The following ERC2 variants were observed in gnomAD, a reference collection of about 807,000 sequenced individuals.
The protein encoded by ERC2 is ELKS/RAB6-interacting/CAST family member 2, also known as ERC protein 2.
A neutral mutation model predicts 114.8 loss-of-function variants in ERC2; 42 were observed. The ratio of observed to expected loss-of-function variants is 0.37; its 90% CI spans 0.29 to 0.47. The LOEUF is 0.47. ERC2 is among the 20% of genes least tolerant of loss of function. ERC2 has a pLI of 0.99. For missense variants in ERC2, 939 were observed against 1,150.7 expected (o/e 0.82, Z 2.66); for synonymous variants, 454 against 425.5 (o/e 1.07, Z -0.82).
intron 1 of ERC2, among the ~76,000 whole-genome samples, chr3:56,445,882 T>C (rs1342474151): frequency 6.6e-6 from 1 of 152,224 alleles, no homozygotes; most frequent in Admixed American, 6.5e-5. Flanking sequence ...GTCTCTCAGT[T>C]ACATTCTCTC....
intron 15 of ERC2, among the ~76,000 whole-genome samples, chr3:55,714,659 GTGTGTGTGTATATATATATATATATATA>G (rs1193638966): frequency 4.1e-4 from 29 of 70,860 alleles, no homozygotes; most frequent in African/African-American, 9.5e-4. Flanking sequence ...GTGTGTGTGT[GTGTGTGTGTATATATATATATATATATA>G]TATATATATA....
intron 17 of ERC2, among the ~76,000 whole-genome samples, chr3:55,600,990 G>A (rs144315121): frequency 6.6e-6 from 1 of 152,340 alleles, no homozygotes; most frequent in African/African-American, 2.4e-5. Context: ...TGGCAAGCTC[G>A]CCACAGGCCC....
At chr3:56,208,775 C>A (rs1299711374) in intron 3 of ERC2, among the ~76,000 whole-genome samples, 8 of 152,132 alleles carry the variant, frequency 5.3e-5, no homozygotes, top group Admixed American at 5.2e-4. Flanking sequence ...AAGTGCCTAG[C>A]TAGCGGTACT....
At chr3:56,466,035 C>A (rs1351712073) in intron 1 of ERC2, among the ~76,000 whole-genome samples, 1 of 152,248 alleles carries the variant, frequency 6.6e-6, no homozygotes, top group Non-Finnish European at 1.5e-5. Flanking sequence ...TGGCAAGATA[C>A]TGAATTCCTT....
In ERC2 at chr3:56,286,647, G is replaced by A. The variant is rs530764017; in HGVS notation, c.1074+9372C>T. ...GTCAGCACATTTAAAGAGGCAGATA[G>A]TAAATACTTTAGGCTTTGTGGACCA... is the stretch of plus-strand genomic sequence containing the variant. On this transcript the variant is annotated intron_variant, in intron 3 of 17. Coordinates refer to ENST00000288221, the MANE Select transcript of ERC2 (RefSeq NM_015576.3). Among the ~76,000 whole-genome samples the A allele has an allele frequency of 4.7e-4, 71 of 152,070 alleles. 1 individual carries two copies. The highest frequency in any genetic ancestry group is 7.9e-4 in the Non-Finnish European group (54 of 67,992).
At chr3:55,629,326 T>G (rs1457985523) in intron 17 of ERC2, among the ~76,000 whole-genome samples, 7 of 152,184 alleles carry the variant, frequency 4.6e-5, no homozygotes, top group African/African-American at 1.7e-4. Context: ...TGCTTCTGCT[T>G]TGATGCCTGG....
At chr3:56,367,785 C>CAGAAAAAG (rs1412462611) in intron 2 of ERC2, among the ~76,000 whole-genome samples, 1 of 151,700 alleles carries the variant, frequency 6.6e-6, no homozygotes, top group African/African-American at 2.4e-5. Context: ...TGGACTATCC[C>CAGAAAAAG]AGAAAAAGAT....
intron 14 of ERC2, among the ~76,000 whole-genome samples, chr3:55,779,238 T>C (rs1013487226): frequency 1.7e-4 from 26 of 151,008 alleles, no homozygotes; most frequent in African/African-American, 5.1e-4. Context: ...TCCTAGCACT[T>C]TGGGAGGCCG....
intron 3 of ERC2, 163 bp from the exon 4 acceptor site, chr3:56,173,683 CT>C (rs1435887184): frequency 8.0e-5 from 47 of 585,056 alleles, no homozygotes; most frequent in Middle Eastern, 4.4e-4. Flanking sequence ...TCCCTCCTGC[CT>C]GGAGCCTGCG....
chr3:56,203,298 C>G (rs2048509754), intron 3 of ERC2, among the ~76,000 whole-genome samples: 1 of 151,778 alleles, frequency 6.6e-6, no homozygotes, highest in African/African-American at 2.4e-5. Flanking sequence ...CTTAAAGTAA[C>G]TCTAAGAGCT....
At chr3:56,311,366 C>T (rs1207230121) in intron 2 of ERC2, among the ~76,000 whole-genome samples, 2 of 139,854 alleles carry the variant, frequency 1.4e-5, no homozygotes, top group Non-Finnish European at 3.1e-5. Context: ...GTGGCGCAAT[C>T]TCGGCTCGCT....
intron 2 of ERC2, among the ~76,000 whole-genome samples, chr3:56,305,555 CT>C (rs1336448655): frequency 7.0e-6 from 1 of 142,018 alleles, no homozygotes; most frequent in Admixed American, 7.1e-5. Flanking sequence ...CACACACACA[CT>C]ATAATAATCA....
intron 7 of ERC2, among the ~76,000 whole-genome samples, chr3:56,023,494 A>G (rs1000906487): frequency 2.6e-5 from 4 of 151,936 alleles, no homozygotes; most frequent in African/African-American, 9.7e-5. Flanking sequence ...TTGCACTCCA[A>G]CTGTTCACCT....
At chr3:55,832,776 G>C (rs904053180) in intron 14 of ERC2, among the ~76,000 whole-genome samples, 1 of 152,204 alleles carries the variant, frequency 6.6e-6, no homozygotes, top group African/African-American at 2.4e-5. Context: ...TTGACGAGTT[G>C]AGAGAAGAAG....
intron 6 of ERC2, among the ~76,000 whole-genome samples, chr3:56,113,948 G>A (rs773354093): frequency 3.3e-5 from 5 of 152,194 alleles, no homozygotes; most frequent in African/African-American, 7.2e-5. Context: ...TATATTTAGA[G>A]AGGAGAGCTT....
At chr3:55,787,478 T>C (rs2069608896) in intron 14 of ERC2, among the ~76,000 whole-genome samples, 1 of 152,164 alleles carries the variant, frequency 6.6e-6, no homozygotes, top group Non-Finnish European at 1.5e-5. Context: ...GAAAAATATG[T>C]TGGTTAAGCC....
At chr3:55,546,729 C>T (rs1177463906) in intron 17 of ERC2, among the ~76,000 whole-genome samples, 3 of 152,188 alleles carry the variant, frequency 2.0e-5, no homozygotes, top group East Asian at 3.9e-4. Flanking sequence ...TATGCACAGC[C>T]AGCCAGTAAG....
chr3:55,575,109 G>C (rs2056908017), intron 17 of ERC2, among the ~76,000 whole-genome samples: 1 of 152,198 alleles, frequency 6.6e-6, no homozygotes, highest in Admixed American at 6.5e-5. Context: ...CGCCCTCCTG[G>C]GTTCAAGTGA....
chr3:56,110,209 G>T (rs1560188788), intron 6 of ERC2, among the ~76,000 whole-genome samples: 1 of 152,130 alleles, frequency 6.6e-6, no homozygotes, highest in African/African-American at 2.4e-5. Flanking sequence ...AGGAAATTTG[G>T]TATCAGTCTT....
Sources: gnomAD v4.1 joint callset for allele counts (sites outside exome capture counted in the v4.1 genomes callset) on GRCh38, gnomAD v4.1.1 for gene constraint, MANE v1.5 for transcripts, NCBI Gene and HGNC (gene_info 2026-07-23, HGNC 2026-07-21) for gene names.